Variants in TLN2 observed in about 807,000 individuals in gnomAD.
The protein encoded by TLN2 is talin-2.
TLN2 carries 118 observed loss-of-function variants against 294.7 expected under a neutral mutation model. The ratio of observed to expected loss-of-function variants is 0.40; its 90% CI spans 0.34 to 0.47. The LOEUF is 0.47. TLN2 is among the 20% of genes least tolerant of loss of function. The probability of loss-of-function intolerance (pLI) is 0.84; values close to 1 mark genes in which losing one functional copy is unlikely to be tolerated. For synonymous variants in TLN2, 1,431 were observed against 1,304.5 expected, an observed-to-expected ratio of 1.10 and a Z score of -2.09; for missense variants, 3,083 against 3,282.2, an observed-to-expected ratio of 0.94 and a Z score of 1.48.
intron 51 of TLN2, among the ~76,000 whole-genome samples, chr15:62,809,034 G>A (rs908866906): frequency 1.1e-4 from 16 of 152,188 alleles, no homozygotes; most frequent in African/African-American, 3.6e-4. Context: ...GTCCTGATTA[G>A]CAGTGTATTT....
chr15:62,765,462 G>C (rs2141031516), intron 40 of TLN2, among the ~76,000 whole-genome samples: 1 of 152,278 alleles, frequency 6.6e-6, no homozygotes, highest in South Asian at 2.1e-4. Context: ...TCTCATTTCT[G>C]ATGAGCAGGA....
In TLN2 at chr15:62,556,587, C is replaced by G. The variant is rs577580833; in HGVS notation, c.-237-33100C>G. Among the ~76,000 whole-genome samples, 14 of 152,258 alleles carry G rather than the reference C, an allele frequency of 9.2e-5. No homozygotes were observed. The East Asian group carries it at 2.3e-3, about 25-fold the overall frequency. The stretch of plus-strand genomic sequence containing the variant: ...GTGCTGGAATTACAGGTGTGAGCCA[C>G]CATGTCCAGCTAAACAAATGCCATT... On this transcript the variant is annotated intron_variant, in intron 1 of 58. Coordinates refer to ENST00000636159, the MANE Select transcript of TLN2 (RefSeq NM_015059.3).
intron 1 of TLN2, among the ~76,000 whole-genome samples, chr15:62,523,238 A>C (rs1170783775): frequency 1.3e-5 from 2 of 152,202 alleles, no homozygotes; most frequent in Non-Finnish European, 2.9e-5. Context: ...CTGGGCAATT[A>C]AGTTGGGGAA....
At chr15:62,486,193 A>G (rs2038381915) in intron 1 of TLN2, among the ~76,000 whole-genome samples, 1 of 152,122 alleles carries the variant, frequency 6.6e-6, no homozygotes. Flanking sequence ...GATCAAGGAC[A>G]TTCCTTTTCT....
At chr15:62,760,762 A>G (rs2062610898) in intron 37 of TLN2, among the ~76,000 whole-genome samples, 1 of 152,156 alleles carries the variant, frequency 6.6e-6, no homozygotes, top group South Asian at 2.1e-4. Context: ...AGGCCTGATC[A>G]TGCAATGCCA....
chr15:62,690,880 G>A (rs899990260), intron 12 of TLN2, among the ~76,000 whole-genome samples: 3 of 151,762 alleles, frequency 2.0e-5, no homozygotes, highest in African/African-American at 2.4e-5. Context: ...CAGGCGTGGC[G>A]GTGCGCGCCT....
intron 1 of TLN2, among the ~76,000 whole-genome samples, chr15:62,469,069 A>C (rs896389033): frequency 5.3e-5 from 8 of 152,200 alleles, no homozygotes; most frequent in African/African-American, 1.9e-4. Context: ...TAGGTGGTAG[A>C]GGGGGTTTTT....
At chr15:62,753,503 G>T (rs1385371329) in intron 35 of TLN2, among the ~76,000 whole-genome samples, 1 of 152,160 alleles carries the variant, frequency 6.6e-6, no homozygotes, top group South Asian at 2.1e-4. Flanking sequence ...CCTTATCCAT[G>T]CCCCCAAAGA....
intron 1 of TLN2, among the ~76,000 whole-genome samples, chr15:62,475,019 A>T (rs990931184): frequency 3.4e-4 from 52 of 152,234 alleles, no homozygotes; most frequent in African/African-American, 1.1e-3. Context: ...TTTGCCTTAT[A>T]AATAATAATG....
At chr15:62,671,046 C>G (rs965767183) in intron 9 of TLN2, among the ~76,000 whole-genome samples, 1 of 152,170 alleles carries the variant, frequency 6.6e-6, no homozygotes, top group Admixed American at 6.6e-5. Flanking sequence ...TAATGTTGAA[C>G]ATGCTTTCAT....
chr15:62,581,191 C>A (rs758139913), intron 1 of TLN2, among the ~76,000 whole-genome samples: 3 of 152,298 alleles, frequency 2.0e-5, no homozygotes, highest in Non-Finnish European at 4.4e-5. Flanking sequence ...AACCAGTGAT[C>A]TTTTTACTGT....
intron 42 of TLN2, among the ~76,000 whole-genome samples, chr15:62,775,324 T>C (rs1327722563): frequency 6.6e-6 from 1 of 152,180 alleles, no homozygotes; most frequent in East Asian, 1.9e-4. Flanking sequence ...TGAGATGCTC[T>C]TTCTGGAGAG....
At chr15:62,703,784 C>T (rs537915721) in intron 19 of TLN2, among the ~76,000 whole-genome samples, 6 of 152,194 alleles carry the variant, frequency 3.9e-5, no homozygotes, top group African/African-American at 1.4e-4. Context: ...GTGGTGCTTG[C>T]CCTCTGGGGA....
chr15:62,791,700 C>T (rs2065087596), intron 45 of TLN2, among the ~76,000 whole-genome samples: 1 of 152,194 alleles, frequency 6.6e-6, no homozygotes, highest in Non-Finnish European at 1.5e-5. Flanking sequence ...GCTTCTAGCT[C>T]TTGTAGATTC....
rs770588591 is a variant in TLN2, at chr15:62,797,330, C to A, written c.6162C>A (p.Ala2054=). Residue 2054 remains alanine, a synonymous_variant, in exon 48 of 59, where the codon GCC becomes GCA. Transcript: ENST00000636159. ...KLAQAAQSSA[A]TITQLAEVVK... ...CCCAGGCGGCCCAGTCCTCAGCAGC[C>A]ACCATCACCCAGCTCGCAGAAGTGG... 3.1e-6 allele frequency: 5 copies of A among 1,613,598 alleles called. No individual in the cohort carries two copies. In the African/African-American group the frequency reaches 4.0e-5, roughly 13 times the overall value.
chr15:62,805,057 C>T (rs547311554), intron 50 of TLN2, among the ~76,000 whole-genome samples: 1 of 152,272 alleles, frequency 6.6e-6, no homozygotes, highest in Non-Finnish European at 1.5e-5. Context: ...GCGCACTCGA[C>T]GTGAACACCT....
At chr15:62,825,818 A>ATTATATTATAATATATAT (rs1567687635) in intron 54 of TLN2, among the ~76,000 whole-genome samples, 1 of 74,490 alleles carries the variant, frequency 1.3e-5, no homozygotes, top group Non-Finnish European at 2.1e-5. Flanking sequence ...TTATATTATA[A>ATTATATTATAATATATAT]TATATATTAT....
intron 14 of TLN2, among the ~76,000 whole-genome samples, chr15:62,695,106 G>C (rs922408757): frequency 2.0e-5 from 3 of 152,012 alleles, no homozygotes; most frequent in African/African-American, 7.3e-5. Context: ...TCTTAATTTA[G>C]CCCCATTTAT....
intron 1 of TLN2, among the ~76,000 whole-genome samples, chr15:62,588,942 A>G (rs2140728720): frequency 6.6e-6 from 1 of 151,500 alleles, no homozygotes; most frequent in South Asian, 2.1e-4. Flanking sequence ...GTAGGGAGAG[A>G]GAGATGTAGA....
Sources: gnomAD v4.1 joint callset for allele counts (sites outside exome capture counted in the v4.1 genomes callset) on GRCh38, gnomAD v4.1.1 for gene constraint, MANE v1.5 for transcripts, NCBI Gene and HGNC (gene_info 2026-07-23, HGNC 2026-07-21) for gene names.